MCM9: variants seen among roughly 807,000 people sequenced by gnomAD.
MCM9 encodes the protein DNA helicase MCM9.
A neutral mutation model predicts 72.8 loss-of-function variants in MCM9; 55 were observed. That is an observed-to-expected ratio of 0.76 (90% CI 0.61 to 0.95). The LOEUF is 0.95. MCM9 is among the 40% of genes least tolerant of loss of function. The pLI, the probability that MCM9 is intolerant of heterozygous loss-of-function variation, is 0.00. For synonymous variants in MCM9, 480 were observed against 503.4 expected, an observed-to-expected ratio of 0.95 and a Z score of 0.62; for missense variants, 1,279 against 1,377.0, an observed-to-expected ratio of 0.93 and a Z score of 1.13.
rs1554258631 is a variant in MCM9, at chr6:118,867,879, C to CTTTTTTTTTTTT, written c.1151-11335_1151-11334insAAAAAAAAAAAA. Among the ~76,000 whole-genome samples the CTTTTTTTTTTTT allele has an allele frequency of 2.9e-5, 4 of 137,486 alleles. 1 individual carries two copies. Among genetic ancestry groups the CTTTTTTTTTTTT allele is most frequent in the African/African-American group, 2.6e-5 (1 of 38,062 alleles). The allele number at this position is 137,486 out of a possible 152,430, so 90.2% of individuals were successfully genotyped here. On this transcript the variant is annotated intron_variant, in intron 8 of 13. Transcript: ENST00000619706. ...TTAATTATATTTCTTTTTTCTTTTTCTTTTTCTTTTTTTTTGAGATGAAGT... is the reference window on the plus strand; with the variant it reads ...TTAATTATATTTCTTTTTTCTTTTTCTTTTTTTTTTTTTTTTTCTTTTTTTTTGAGATGAAGT...
intron 13 of MCM9, among the ~76,000 whole-genome samples, chr6:118,822,300 T>G (rs1773868739): frequency 1.3e-5 from 2 of 152,270 alleles, no homozygotes; most frequent in South Asian, 4.1e-4. Context: ...AGGATGGGGT[T>G]TTTGTGTGGG....
At chr6:118,874,491 T>G (rs1407527829) in intron 8 of MCM9, among the ~76,000 whole-genome samples, 1 of 152,166 alleles carries the variant, frequency 6.6e-6, no homozygotes, top group Non-Finnish European at 1.5e-5. Context: ...AAGGTAATGG[T>G]AAGAAACTTG....
rs916931607 is a variant in MCM9, at chr6:118,813,827, T to C, written c.*997A>G. On this transcript the variant is annotated 3_prime_UTR_variant, in exon 14 of 14. Transcript: ENST00000619706. ...ATCACAACTTAGTAGGAATCACATTTCCATATTAACCAGCTGGGTAGATGA... is the reference window on the plus strand; with the variant it reads ...ATCACAACTTAGTAGGAATCACATTCCCATATTAACCAGCTGGGTAGATGA... 6.6e-6 allele frequency: 1 copy of C among 152,188 alleles called. No individual in the cohort carries two copies. The highest frequency in any genetic ancestry group is 1.5e-5 in the Non-Finnish European group (1 of 68,024). 9.4% of individuals were successfully genotyped at this position (152,188 alleles called of 1,614,324 possible).
At chr6:118,894,797 C>T (rs1347800427) in intron 8 of MCM9, among the ~76,000 whole-genome samples, 4 of 152,206 alleles carry the variant, frequency 2.6e-5, no homozygotes, top group African/African-American at 9.6e-5. Flanking sequence ...GGGCGGGCAG[C>T]TCGGAGACCC....
intron 8 of MCM9, among the ~76,000 whole-genome samples, chr6:118,882,794 T>A (rs36162261): frequency 0.87 from 131,724 of 152,168 alleles, 57,168 homozygotes; most frequent in East Asian, 0.96. Flanking sequence ...CTTCAAGAAA[T>A]GAACCTAGCC....
chr6:118,847,968 C>G (rs1346046816), intron 9 of MCM9, among the ~76,000 whole-genome samples: 1 of 151,742 alleles, frequency 6.6e-6, no homozygotes, highest in Non-Finnish European at 1.5e-5. Flanking sequence ...TTTCATTTTT[C>G]AAGTGTCAAT....
intron 8 of MCM9, among the ~76,000 whole-genome samples, chr6:118,863,500 A>T (rs939666667): frequency 6.6e-6 from 1 of 152,244 alleles, no homozygotes; most frequent in African/African-American, 2.4e-5. Flanking sequence ...CAAGGGCAAC[A>T]AATAAAAATA....
At chr6:118,834,931 C>A (rs538130059) in intron 9 of MCM9, among the ~76,000 whole-genome samples, 2 of 152,160 alleles carry the variant, frequency 1.3e-5, no homozygotes, top group East Asian at 1.9e-4. Flanking sequence ...CTTTGCCCAT[C>A]CCTATGTCCT....
chr6:118,836,583 T>A (rs1774975658), intron 9 of MCM9, among the ~76,000 whole-genome samples: 1 of 152,252 alleles, frequency 6.6e-6, no homozygotes, highest in African/African-American at 2.4e-5. Flanking sequence ...GGAGGGTGTA[T>A]GAGTCTAGGT....
At chr6:118,841,835 CTTTT>C (rs750136757) in intron 9 of MCM9, among the ~76,000 whole-genome samples, 5 of 134,688 alleles carry the variant, frequency 3.7e-5, no homozygotes, top group Admixed American at 1.5e-4. Flanking sequence ...GCTATCTTGC[CTTTT>C]TTTTTTTTTT....
chr6:118,826,160 T>C lies in MCM9; in HGVS notation c.1948A>G (p.Arg650Gly), dbSNP rs1218102126. ...TTCATTCCTCACCTTTCAAGTCTTC[T>C]AAGCTCTTCACTCAAGAGGCTCTGC... is the stretch of plus-strand genomic sequence containing the variant. ...ELQSLLSEEL[R>G]RLERLQNQSV... The change falls in exon 13 of 14, where the codon AGA becomes GGA. Residue 650 changes from arginine to glycine, a missense_variant. Transcript: ENST00000619706. 6.5e-7 allele frequency: 1 copy of C among 1,550,232 alleles called. No individual in the cohort carries two copies. The highest frequency in any genetic ancestry group is 8.7e-7 in the Non-Finnish European group (1 of 1,146,820).
chr6:118,934,529 C>G (rs1782733917), intron 1 of MCM9: 2 of 151,870 alleles, frequency 1.3e-5, no homozygotes, highest in African/African-American at 2.4e-5. Flanking sequence ...GCCCCCTCCG[C>G]GCGGGCTGGC....
intron 8 of MCM9, among the ~76,000 whole-genome samples, chr6:118,904,317 T>G (rs779338261): frequency 6.6e-6 from 1 of 152,232 alleles, no homozygotes; most frequent in South Asian, 2.1e-4. Context: ...TTATGCCTTT[T>G]TGTATCATCT....
rs796143070 is a variant in MCM9, at chr6:118,873,210, AGGGAAAGGGAAAGGGAAG to A, written c.1151-16683_1151-16666del. On this transcript the variant is annotated intron_variant, in intron 8 of 13. Transcript: ENST00000619706. ...AGGGGAGAGGAGGGGAGGGGAGGGG[AGGGAAAGGGAAAGGGAAG>A]GGGAAAGGGAAAGGGAAGGGGAAAG... 7.0e-3 allele frequency among the ~76,000 whole-genome samples: 553 copies of A among 79,434 alleles called. 11 individuals are homozygous for A. Among genetic ancestry groups the A allele is most frequent in the East Asian group, 0.015 (35 of 2,286 alleles). 52.1% of individuals were successfully genotyped at this position (79,434 alleles called of 152,430 possible). A position where few individuals can be genotyped will look rare whatever the true frequency, so the allele number is the denominator to read the frequency against.
chr6:118,921,803 C>G, intron 5 of MCM9: 1 of 434,164 alleles, frequency 2.3e-6, no homozygotes, highest in East Asian at 3.9e-5. Flanking sequence ...AAAACAAGCA[C>G]CTGGACTAGC....
chr6:118,880,230 G>A (rs570748483), intron 8 of MCM9, among the ~76,000 whole-genome samples: 2 of 152,138 alleles, frequency 1.3e-5, no homozygotes, highest in Admixed American at 6.5e-5. Flanking sequence ...TCCTATGGAA[G>A]AGGAATTAGA....
chr6:118,840,749 T>C (rs895637525), intron 9 of MCM9, among the ~76,000 whole-genome samples: 1 of 141,566 alleles, frequency 7.1e-6, no homozygotes, highest in Non-Finnish European at 1.5e-5. Flanking sequence ...CCCCTTTTTT[T>C]TTTTTTGAGA....
At chr6:118,908,142 A>G (rs1169054215) in intron 8 of MCM9, 1 of 152,872 alleles carries the variant, frequency 6.5e-6, no homozygotes, top group East Asian at 1.9e-4. Context: ...CCAATTTTCC[A>G]AGCCACCGTG....
At chr6:118,869,599 C>CAAAAAAAAAAA in intron 8 of MCM9, among the ~76,000 whole-genome samples, 17 of 58,282 alleles carry the variant, frequency 2.9e-4, no homozygotes, top group East Asian at 6.0e-4. Context: ...AAAGGATTTA[C>CAAAAAAAAAAA]AAAAAAAAAA....
Sources: allele counts gnomAD v4.1 joint callset (sites outside exome capture counted in the v4.1 genomes callset), GRCh38; gene constraint gnomAD v4.1.1; transcripts MANE v1.5; gene names NCBI Gene and HGNC (gene_info 2026-07-23, HGNC 2026-07-21).